The following CSMD2 variants were observed in gnomAD, a reference collection of about 807,000 sequenced individuals.
The protein encoded by CSMD2 is CUB and Sushi multiple domains 2, also known as CUB and sushi domain-containing protein 2.
A neutral mutation model predicts 398.5 loss-of-function variants in CSMD2; 130 were observed. The ratio of observed to expected loss-of-function variants is 0.33; its 90% CI spans 0.28 to 0.38. The LOEUF (loss-of-function observed/expected upper bound fraction) is 0.38, where lower values mean the gene tolerates loss of function less well. Ranked by LOEUF, CSMD2 falls within the 10% of genes least tolerant of loss-of-function variation. The pLI is 1.00. For synonymous variants in CSMD2, 1,828 were observed against 1,908.5 expected (o/e 0.96, Z 1.10); for missense variants, 3,829 against 4,764.9 (o/e 0.80, Z 5.78).
intron 1 of CSMD2, among the ~76,000 whole-genome samples, chr1:34,154,232 T>C (rs1261313980): frequency 1.3e-5 from 2 of 152,176 alleles, no homozygotes; most frequent in African/African-American, 4.8e-5. Flanking sequence ...GACAGGTGGC[T>C]AATATTAGGT....
chr1:34,107,642 G>A (rs1400931973), intron 1 of CSMD2, among the ~76,000 whole-genome samples: 3 of 152,146 alleles, frequency 2.0e-5, no homozygotes, highest in South Asian at 4.2e-4. Context: ...GTGGGTGGGT[G>A]GATGGATGAA....
chr1:33,633,440 G>A lies in CSMD2; in HGVS notation c.5182C>T (p.Leu1728Phe), dbSNP rs201022934. ...HSQHSRLLSS[L>F]SGSHTGESLP... ...CGGATACCTGTATGGGAGCCCGAGA[G>A]GGAGCTGAGGAGCCGCGAGTGCTGG... is the stretch of plus-strand genomic sequence containing the variant. Residue 1728 changes from leucine (L) to phenylalanine (F), a missense_variant, in exon 32 of 71, where the codon CTC becomes TTC. Leu to Phe is a conservative substitution (Grantham distance 22, BLOSUM62 0). Around this residue, in one of 5 missense-constraint regions of CSMD2, gnomAD observed 2,001 missense variants for 2,567.1 expected, o/e 0.78. Coordinates refer to ENST00000373381, the MANE Select transcript of CSMD2 (RefSeq NM_001281956.2). The surrounding 1 kb of genome is among the most constrained non-coding windows in gnomAD (Gnocchi z 5.0). 2.6e-6 allele frequency: 4 copies of A among 1,552,826 alleles called. No individual in the cohort carries two copies. Among genetic ancestry groups the A allele is most frequent in the East Asian group, 4.9e-5 (2 of 41,126 alleles).
chr1:33,951,972 T>C (rs561708127), intron 3 of CSMD2, among the ~76,000 whole-genome samples: 20 of 152,200 alleles, frequency 1.3e-4, no homozygotes, highest in Non-Finnish European at 2.4e-4. Context: ...CAAGACTCAG[T>C]TCAAATGTCA....
chr1:33,671,542 C>T (rs1183622041), intron 25 of CSMD2, among the ~76,000 whole-genome samples: 2 of 152,072 alleles, frequency 1.3e-5, no homozygotes, highest in Non-Finnish European at 2.9e-5. Flanking sequence ...CTCCACATGC[C>T]TTTCCTCAAA....
intron 41 of CSMD2, 81 bp downstream of exon 41, chr1:33,610,960 C>T: frequency 2.2e-6 from 3 of 1,370,850 alleles, no homozygotes; most frequent in Non-Finnish European, 2.0e-6. Context: ...TTTTCCCCCA[C>T]ATGGAAGGCT....
rs1325582447 is a variant in CSMD2 at position 33,886,484 on chromosome 1, AAAG to A, written c.920+31607_920+31609del. ...CCACCCTGCTCTGTGCAATGTCAGA[AAAG>A]AAGAATCCAGTTAGGGAATCAGGGG... is the stretch of plus-strand genomic sequence containing the variant. On this transcript the variant is annotated intron_variant, in intron 5 of 70. Transcript: ENST00000373381. Among the ~76,000 whole-genome samples the A allele has an allele frequency of 5.3e-5, 8 of 152,358 alleles. No individual in the cohort carries two copies. The South Asian group carries it at 1.7e-3, about 32-fold the overall frequency.
At chr1:33,783,761 C>T (rs879733327) in intron 12 of CSMD2, among the ~76,000 whole-genome samples, 2 of 152,038 alleles carry the variant, frequency 1.3e-5, no homozygotes, top group African/African-American at 2.4e-5. Context: ...GTGCTCTGTG[C>T]CCCCCAAAAA....
chr1:34,112,231 G>A (rs1200342806), intron 1 of CSMD2, among the ~76,000 whole-genome samples: 1 of 152,132 alleles, frequency 6.6e-6, no homozygotes, highest in African/African-American at 2.4e-5. Flanking sequence ...CTGGGCATGT[G>A]GAGACACTGG....
rs116804229 is a variant in CSMD2 at position 33,518,677 on chromosome 1, C to A, written c.*53+788G>T. Among the ~76,000 whole-genome samples the A allele has an allele frequency of 6.8e-3, 1,031 of 152,206 alleles. 11 individuals carry two copies. The highest frequency in any genetic ancestry group is 0.023 in the African/African-American group (963 of 41,528). ...CCTTAAGAAAAAGACTGAGGTGCTC[C>A]AAAGAGGAAGGAATTCCGTCTCTGA... On this transcript the variant is annotated intron_variant, in intron 70 of 70. Coordinates refer to ENST00000373381, the MANE Select transcript of CSMD2 (RefSeq NM_001281956.2). This position sits in a 1 kb window ranked among gnomAD's most constrained non-coding sequence, Gnocchi z 4.3.
rs112841139 is a variant in CSMD2, at chr1:33,634,470, C to T, written c.5086+744G>A. On this transcript the variant is annotated intron_variant, in intron 31 of 70. Transcript: ENST00000373381. ...GTCGGGACATGTTGATGTCCTTTGC[C>T]ACATCCAACATCAATTGTGTTTAGA... 1.3e-4 allele frequency among the ~76,000 whole-genome samples: 20 copies of T among 152,282 alleles called. 2 individuals are homozygous for T. The highest frequency in any genetic ancestry group is 4.8e-4 in the African/African-American group (20 of 41,552).
At position 34,093,873 on chromosome 1, in the gene CSMD2, G is replaced by A. The variant is rs1056064250; in HGVS notation, c.188-4680C>T. On this transcript the variant is annotated intron_variant, in intron 1 of 70. Transcript: ENST00000373381. ...CGGAGAATTTCCCCAATCTAGCAAG[G>A]CAGGCCAACGTTCAGATTCAGGAAA... 4.3e-4 allele frequency among the ~76,000 whole-genome samples: 65 copies of A among 151,900 alleles called. 1 individual carries two copies. Among genetic ancestry groups the A allele is most frequent in the African/African-American group, 1.5e-3 (63 of 41,320 alleles).
chr1:33,587,642 C>T (rs989291145), intron 44 of CSMD2, among the ~76,000 whole-genome samples: 1 of 152,206 alleles, frequency 6.6e-6, no homozygotes, highest in African/African-American at 2.4e-5. Context: ...GTATTCTTCC[C>T]ACCACTGAGC....
At chr1:34,110,746 G>C (rs914580081) in intron 1 of CSMD2, among the ~76,000 whole-genome samples, 1 of 152,072 alleles carries the variant, frequency 6.6e-6, no homozygotes, top group African/African-American at 2.4e-5. Context: ...ACTACCTGAG[G>C]GTGGAGAACG....
intron 25 of CSMD2, among the ~76,000 whole-genome samples, chr1:33,671,109 G>T (rs1323557566): frequency 6.6e-6 from 1 of 152,192 alleles, no homozygotes; most frequent in Non-Finnish European, 1.5e-5. Context: ...AGCATGAAAT[G>T]CGGGTGGCTG....
chr1:33,744,696 T>C (rs1346010138), intron 13 of CSMD2, among the ~76,000 whole-genome samples: 3 of 152,124 alleles, frequency 2.0e-5, no homozygotes, highest in African/African-American at 7.2e-5. Context: ...ACCTTTATAA[T>C]TATCTAAGAA....
chr1:33,896,312 A>T (rs575801106), intron 5 of CSMD2, among the ~76,000 whole-genome samples: 20 of 152,056 alleles, frequency 1.3e-4, no homozygotes, highest in South Asian at 1.0e-3. Context: ...CCATCAGCAC[A>T]TTTTTGCAGT....
At chr1:33,869,854 CA>C (rs1640327731) in intron 5 of CSMD2, among the ~76,000 whole-genome samples, 1 of 152,182 alleles carries the variant, frequency 6.6e-6, no homozygotes, top group Admixed American at 6.5e-5. Flanking sequence ...ATCAGTTCAT[CA>C]GTAATAAAGG....
chr1:33,707,687 GCGCGCGCGCACACA>G (rs981214680), intron 22 of CSMD2, among the ~76,000 whole-genome samples: 14 of 42,558 alleles, frequency 3.3e-4, no homozygotes, highest in Admixed American at 7.1e-4. Flanking sequence ...GTGCACACGC[GCGCGCGCGCACACA>G]CACACACACA....
At chr1:33,605,823 C>A (rs1322274391) in intron 41 of CSMD2, 1 of 1,539,670 alleles carries the variant, frequency 6.5e-7, no homozygotes, top group Non-Finnish European at 8.9e-7. Context: ...GGGGGCCAGG[C>A]ACCAGCCTAA....
Sources: allele counts gnomAD v4.1 joint callset (sites outside exome capture counted in the v4.1 genomes callset), GRCh38; gene constraint gnomAD v4.1.1; regional missense constraint gnomAD v4.1.1; non-coding constraint Gnocchi (gnomAD v3.1); transcripts MANE v1.5; gene names NCBI Gene and HGNC (gene_info 2026-07-23, HGNC 2026-07-21).